Variants in ITGBL1 observed in about 807,000 individuals in gnomAD.
The protein encoded by ITGBL1 is integrin subunit beta like 1.
ITGBL1 carries 51 observed loss-of-function variants against 68.5 expected under a neutral mutation model. The ratio of observed to expected loss-of-function variants is 0.74; its 90% CI spans 0.59 to 0.94. The LOEUF (loss-of-function observed/expected upper bound fraction) is 0.94, where lower values mean the gene tolerates loss of function less well. Among genes scored for constraint, ITGBL1 ranks in the 40% least tolerant of loss-of-function variants. The pLI, the probability that ITGBL1 is intolerant of heterozygous loss-of-function variation, is 0.00. For missense variants in ITGBL1, 649 were observed against 647.4 expected, an observed-to-expected ratio of 1.00 and a Z score of -0.03; for synonymous variants, 209 against 227.3, an observed-to-expected ratio of 0.92 and a Z score of 0.72.
chr13:101,674,887 T>C (rs2033463913), intron 7 of ITGBL1, among the ~76,000 whole-genome samples: 1 of 152,112 alleles, frequency 6.6e-6, no homozygotes, highest in African/African-American at 2.4e-5. Context: ...TGTTTTTCTT[T>C]ATTTGCTTCT....
intron 8 of ITGBL1, among the ~76,000 whole-genome samples, chr13:101,701,036 C>A (rs1373094656): frequency 3.9e-5 from 6 of 152,162 alleles, no homozygotes; most frequent in Non-Finnish European, 7.3e-5. Context: ...GCTGTTAATA[C>A]AATTCCTGAT....
chr13:101,485,769 T>A (rs1313737153), intron 2 of ITGBL1, among the ~76,000 whole-genome samples: 2 of 152,068 alleles, frequency 1.3e-5, no homozygotes, highest in African/African-American at 4.8e-5. Context: ...TCCAGCCTGG[T>A]CAACAGCGCG....
chr13:101,629,357 T>C lies in ITGBL1; in HGVS notation c.1015+31058T>C, dbSNP rs560741856. Among the ~76,000 whole-genome samples the C allele has an allele frequency of 1.6e-4, 24 of 152,312 alleles. No individual in the cohort carries two copies. In the South Asian group the frequency reaches 4.8e-3, roughly 30 times the overall value. On this transcript the variant is annotated intron_variant, in intron 7 of 10. Transcript: ENST00000376180. ...CCTGCCAACTTATTTTATCCTTTCTTCATACCATTTTTAATTTTGTGTCTT... is the reference window on the plus strand; with the variant it reads ...CCTGCCAACTTATTTTATCCTTTCTCCATACCATTTTTAATTTTGTGTCTT...
chr13:101,654,400 C>A (rs1006151422), intron 7 of ITGBL1, among the ~76,000 whole-genome samples: 2 of 152,110 alleles, frequency 1.3e-5, no homozygotes, highest in African/African-American at 4.8e-5. Context: ...CTAAGAAACA[C>A]AACAGGAGTT....
At chr13:101,642,879 T>G (rs1162123215) in intron 7 of ITGBL1, among the ~76,000 whole-genome samples, 1 of 151,864 alleles carries the variant, frequency 6.6e-6, no homozygotes, top group East Asian at 1.9e-4. Flanking sequence ...GTTGTAGATA[T>G]GCAGCGTTAT....
rs2049248087 is a variant in ITGBL1, at chr13:101,519,424, G to A, written c.317-48275G>A. ...ATCTAAGTAGTCATATGTGGCTATT[G>A]GCTACGGTACTGCCAAGTGCAGGCT... is the stretch of plus-strand genomic sequence containing the variant. On this transcript the variant is annotated intron_variant, in intron 2 of 10. Coordinates refer to ENST00000376180, the MANE Select transcript of ITGBL1 (RefSeq NM_004791.3). Among the ~76,000 whole-genome samples, 2 of 151,906 alleles carry A rather than the reference G, an allele frequency of 1.3e-5. 1 individual carries two copies. The highest frequency in any genetic ancestry group is 4.2e-4 in the South Asian group (2 of 4,810).
chr13:101,689,882 T>C (rs2033845746), intron 7 of ITGBL1, among the ~76,000 whole-genome samples: 1 of 152,230 alleles, frequency 6.6e-6, no homozygotes, highest in Admixed American at 6.5e-5. Context: ...CTTTTTCACT[T>C]ATTTTAAAAT....
At chr13:101,615,269 CCAGGATGATT>C (rs1439822608) in intron 7 of ITGBL1, among the ~76,000 whole-genome samples, 23 of 152,038 alleles carry the variant, frequency 1.5e-4, no homozygotes, top group Non-Finnish European at 2.5e-4. Context: ...CACCCTAAAT[CCAGGATGATT>C]CAGCTCTAGT....
intron 2 of ITGBL1, among the ~76,000 whole-genome samples, chr13:101,513,449 A>C (rs1028809926): frequency 2.6e-5 from 4 of 152,112 alleles, no homozygotes; most frequent in African/African-American, 9.7e-5. Context: ...TCCTGTGTAC[A>C]CTGAAATTTA....
chr13:101,659,502 G>C (rs769020845), intron 7 of ITGBL1, among the ~76,000 whole-genome samples: 2 of 151,568 alleles, frequency 1.3e-5, no homozygotes, highest in South Asian at 2.1e-4. Flanking sequence ...GGTACCAGCC[G>C]AAGTATACAT....
chr13:101,582,794 C>T (rs1411135812), intron 5 of ITGBL1, among the ~76,000 whole-genome samples: 1 of 152,168 alleles, frequency 6.6e-6, no homozygotes, highest in Non-Finnish European at 1.5e-5. Flanking sequence ...CATTGATCCT[C>T]TTTCTCCAAA....
intron 7 of ITGBL1, among the ~76,000 whole-genome samples, chr13:101,611,061 A>G (rs180763520): frequency 6.1e-4 from 93 of 152,290 alleles, no homozygotes; most frequent in Admixed American, 3.6e-3. Context: ...TTTAGAAAAA[A>G]TAAGAAAATG....
chr13:101,583,578 C>A (rs1353661955), intron 6 of ITGBL1, among the ~76,000 whole-genome samples: 1 of 151,994 alleles, frequency 6.6e-6, no homozygotes, highest in African/African-American at 2.4e-5. Context: ...GGGATGGATA[C>A]CCCATTCTCC....
chr13:101,696,922 A>G (rs373037543), intron 8 of ITGBL1, among the ~76,000 whole-genome samples: 2 of 152,168 alleles, frequency 1.3e-5, no homozygotes, highest in African/African-American at 4.8e-5. Context: ...ACCTTGAACA[A>G]CTAGTATTTA....
chr13:101,702,496 A>G (rs552293277), intron 8 of ITGBL1, among the ~76,000 whole-genome samples: 1 of 152,134 alleles, frequency 6.6e-6, no homozygotes, highest in Non-Finnish European at 1.5e-5. Flanking sequence ...CATGCTGTAA[A>G]TTTCTTTCCA....
intron 7 of ITGBL1, 96 bp from the exon 8 acceptor site, chr13:101,692,489 T>A (rs1330562847): frequency 1.3e-6 from 1 of 783,286 alleles, no homozygotes; most frequent in African/African-American, 1.7e-5. Flanking sequence ...GGAACTATTC[T>A]AGGAGATTTG....
Position 101,542,284 on chromosome 13 carries a change from T to C in ITGBL1, c.317-25415T>C, listed in dbSNP as rs189723232. Among the ~76,000 whole-genome samples, 590 of 152,328 alleles carry C rather than the reference T, an allele frequency of 3.9e-3. 7 individuals are homozygous for C. The highest frequency in any genetic ancestry group is 0.014 in the Middle Eastern group (4 of 294). ...TTGTTCTCATTGGTTTCAAAGAACATCTTTATTTCTGCCTTCATTTCGTGA... is the reference window on the plus strand; with the variant it reads ...TTGTTCTCATTGGTTTCAAAGAACACCTTTATTTCTGCCTTCATTTCGTGA... On this transcript the variant is annotated intron_variant, in intron 2 of 10. Transcript: ENST00000376180.
At chr13:101,677,882 G>A (rs1477848126) in intron 7 of ITGBL1, among the ~76,000 whole-genome samples, 1 of 152,086 alleles carries the variant, frequency 6.6e-6, no homozygotes, top group East Asian at 1.9e-4. Flanking sequence ...GTTTGACACG[G>A]CTTCATAGAT....
intron 8 of ITGBL1, among the ~76,000 whole-genome samples, chr13:101,704,579 A>C (rs748654734): frequency 5.9e-5 from 9 of 152,036 alleles, no homozygotes; most frequent in Non-Finnish European, 1.0e-4. Flanking sequence ...AATAGAGAAG[A>C]GACTTGCAAG....
Sources: allele counts gnomAD v4.1 joint callset (sites outside exome capture counted in the v4.1 genomes callset), GRCh38; gene constraint gnomAD v4.1.1; transcripts MANE v1.5; gene names NCBI Gene and HGNC (gene_info 2026-07-23, HGNC 2026-07-21).